MAP3K9: variants seen among roughly 807,000 people sequenced by gnomAD.
MAP3K9 encodes the protein mitogen-activated protein kinase kinase kinase 9, also known as mixed lineage kinase 1 (tyr and ser/thr specificity).
MAP3K9 carries 46 observed loss-of-function variants against 95.8 expected under a neutral mutation model. That is an observed-to-expected ratio of 0.48 (90% confidence interval 0.38 to 0.61). The LOEUF (loss-of-function observed/expected upper bound fraction) is 0.61, where lower values mean the gene tolerates loss of function less well. Among genes scored for constraint, MAP3K9 ranks in the 20% least tolerant of loss-of-function variants. MAP3K9 has a pLI of 0.00. For missense variants in MAP3K9, 1,296 were observed against 1,474.3 expected, an observed-to-expected ratio of 0.88 and a Z score of 1.98; for synonymous variants, 533 against 593.8, an observed-to-expected ratio of 0.90 and a Z score of 1.49.
chr14:70,757,163 T>C (rs891315009), intron 3 of MAP3K9, among the ~76,000 whole-genome samples: 1 of 152,072 alleles, frequency 6.6e-6, no homozygotes, highest in Non-Finnish European at 1.5e-5. Context: ...TGATCATGAA[T>C]TGGAAGACTT....
At chr14:70,762,240 TG>T (rs556335552) in intron 2 of MAP3K9, among the ~76,000 whole-genome samples, 7 of 152,312 alleles carry the variant, frequency 4.6e-5, no homozygotes, top group South Asian at 2.1e-4. Context: ...TGTTGTCATT[TG>T]GGGGGTACAG....
chr14:70,775,112 C>G (rs576202133), intron 2 of MAP3K9, among the ~76,000 whole-genome samples: 1 of 149,766 alleles, frequency 6.7e-6, no homozygotes, highest in Non-Finnish European at 1.5e-5. Flanking sequence ...TCATCATTGT[C>G]GAAATCCAAA....
At chr14:70,763,373 T>C (rs1357818708) in intron 2 of MAP3K9, among the ~76,000 whole-genome samples, 1 of 152,232 alleles carries the variant, frequency 6.6e-6, no homozygotes, top group African/African-American at 2.4e-5. Flanking sequence ...GCAGCTGTCA[T>C]AATGTCATGG....
chr14:70,732,871 G>GTCA lies in MAP3K9; in HGVS notation c.2495_2497dup (p.Leu832_Thr833insMet). 1 of 1,613,876 alleles carries GTCA rather than the reference G, an allele frequency of 6.2e-7. No individual in the cohort carries two copies. Among genetic ancestry groups the GTCA allele is most frequent in the Non-Finnish European group, 8.5e-7 (1 of 1,179,820 alleles). On this transcript the variant is annotated inframe_insertion, in exon 11 of 12. Coordinates refer to ENST00000554752, the MANE Select transcript of MAP3K9 (RefSeq NM_001284230.2). ...GGAGATGGAGGAGAGGGAGAGCAGC[G>GTCA]TCAGGGAGGCAGAGGGGTCTCCTAG...
intron 1 of MAP3K9, among the ~76,000 whole-genome samples, chr14:70,807,733 A>G (rs2055005522): frequency 6.6e-6 from 1 of 152,234 alleles, no homozygotes; most frequent in African/African-American, 2.4e-5. Flanking sequence ...CAAATACAAA[A>G]TAGTGTAAAC....
rs544120669 is a variant in MAP3K9 at position 70,788,270 on chromosome 14, A to G, written c.820+12397T>C. On this transcript the variant is annotated intron_variant, in intron 2 of 11. Coordinates refer to ENST00000554752, the MANE Select transcript of MAP3K9 (RefSeq NM_001284230.2). ...ATGCAAGTACAAGACAAAAGATACC[A>G]CCCAAAAATATAATCACCAATTGTG... Among the ~76,000 whole-genome samples the G allele has an allele frequency of 1.4e-3, 219 of 152,346 alleles. 1 individual carries two copies. The highest frequency in any genetic ancestry group is 5.1e-3 in the African/African-American group (211 of 41,582).
chr14:70,789,233 G>A (rs34857523), intron 2 of MAP3K9, among the ~76,000 whole-genome samples: 15,449 of 152,174 alleles, frequency 0.1, 932 homozygotes, highest in African/African-American at 0.16. Context: ...AGGGGCTGGT[G>A]GGGCTCAATC....
intron 1 of MAP3K9, among the ~76,000 whole-genome samples, chr14:70,807,706 G>T (rs1333492254): frequency 1.3e-5 from 2 of 152,062 alleles, no homozygotes; most frequent in African/African-American, 2.4e-5. Context: ...TAACAGATAA[G>T]AGATTATGGA....
chr14:70,749,075 C>T, intron 4 of MAP3K9, 71 bp from the exon 5 acceptor site: 1 of 1,404,468 alleles, frequency 7.1e-7, no homozygotes, highest in East Asian at 2.4e-5. Context: ...TAGGCTATTA[C>T]ATGGCCTCAC....
chr14:70,790,673 G>C (rs781382872), intron 2 of MAP3K9, among the ~76,000 whole-genome samples: 3 of 152,154 alleles, frequency 2.0e-5, no homozygotes, highest in Non-Finnish European at 4.4e-5. Flanking sequence ...ACCATTTTGC[G>C]TGGTTCCCTG....
At chr14:70,788,178 T>C (rs2054768524) in intron 2 of MAP3K9, among the ~76,000 whole-genome samples, 1 of 152,218 alleles carries the variant, frequency 6.6e-6, no homozygotes, top group Admixed American at 6.5e-5. Flanking sequence ...CCCATGTGTA[T>C]CCACTACATT....
Position 70,797,442 on chromosome 14 carries a change from A to C in MAP3K9, c.820+3225T>G, listed in dbSNP as rs946693561. Among the ~76,000 whole-genome samples the C allele has an allele frequency of 2.6e-5, 4 of 151,764 alleles. No individual in the cohort carries two copies. The East Asian group carries it at 7.7e-4, about 29-fold the overall frequency. ...AAATAATAATAATAATAATAATAAA[A>C]TTTTTTAAAAAAAGGCTTGGTGCAC... On this transcript the variant is annotated intron_variant, in intron 2 of 11. Transcript: ENST00000554752.
In MAP3K9 at chr14:70,728,522, C is replaced by T. The variant is rs1420105337; in HGVS notation, c.*1858G>A. ...AGATTCACATTTTTTCCTCCTAGCT[C>T]AGGAGTAGGGGAATGGGGACAAAAA... On this transcript the variant is annotated 3_prime_UTR_variant, in exon 12 of 12. Transcript: ENST00000554752. 3 of 152,110 alleles carry T rather than the reference C, an allele frequency of 2.0e-5. No homozygotes were observed. Among genetic ancestry groups the T allele is most frequent in the Non-Finnish European group, 4.4e-5 (3 of 68,050 alleles). The allele number at this position is 152,110 out of a possible 1,614,324, so 9.4% of individuals were successfully genotyped here. A position where few individuals can be genotyped will look rare whatever the true frequency, so the allele number is the denominator to read the frequency against.
chr14:70,739,642 A>G (rs1301340049), intron 7 of MAP3K9, among the ~76,000 whole-genome samples: 1 of 152,134 alleles, frequency 6.6e-6, no homozygotes, highest in Non-Finnish European at 1.5e-5. Context: ...TATACTTTGA[A>G]AAAAAAACCC....
At chr14:70,789,929 C>G (rs2054788530) in intron 2 of MAP3K9, among the ~76,000 whole-genome samples, 1 of 152,124 alleles carries the variant, frequency 6.6e-6, no homozygotes, top group Non-Finnish European at 1.5e-5. Flanking sequence ...TGACCTTGAG[C>G]CCCACCTGGA....
chr14:70,771,294 G>C (rs1445710223), intron 2 of MAP3K9, among the ~76,000 whole-genome samples: 7 of 152,060 alleles, frequency 4.6e-5, no homozygotes, highest in Non-Finnish European at 1.0e-4. Flanking sequence ...TTGTTTTCTT[G>C]GGGTAGGGAG....
intron 11 of MAP3K9, among the ~76,000 whole-genome samples, chr14:70,731,286 A>G (rs548153957): frequency 4.6e-5 from 7 of 151,828 alleles, no homozygotes; most frequent in African/African-American, 1.7e-4. Context: ...TCTCTACAAA[A>G]TTTTTTTGCA....
At chr14:70,748,796 T>G in intron 5 of MAP3K9, 33 bp downstream of exon 5, 1 of 1,568,176 alleles carries the variant, frequency 6.4e-7, no homozygotes, top group South Asian at 1.2e-5. Context: ...TTCTTTTCGT[T>G]CGTTTTTTTG....
intron 3 of MAP3K9, among the ~76,000 whole-genome samples, chr14:70,759,320 T>C (rs1478402741): frequency 6.6e-6 from 1 of 152,070 alleles, no homozygotes; most frequent in Admixed American, 6.6e-5. Flanking sequence ...TGCACGCCTA[T>C]AATCCCAGCT....
Sources: gnomAD v4.1 joint callset for allele counts (sites outside exome capture counted in the v4.1 genomes callset) on GRCh38, gnomAD v4.1.1 for gene constraint, MANE v1.5 for transcripts, NCBI Gene and HGNC (gene_info 2026-07-23, HGNC 2026-07-21) for gene names.